Variants in DMD observed in about 807,000 individuals in gnomAD.
The protein encoded by DMD is mutant dystrophin.
A neutral mutation model predicts 330.1 loss-of-function variants in DMD; 63 were observed. The ratio of observed to expected loss-of-function variants is 0.19; its 90% CI spans 0.16 to 0.24. The LOEUF (loss-of-function observed/expected upper bound fraction) is 0.24, where lower values mean the gene tolerates loss of function less well. Among genes scored for constraint, DMD ranks in the 10% least tolerant of loss-of-function variants. The pLI, the probability that DMD is intolerant of heterozygous loss-of-function variation, is 1.00. For missense variants in DMD, 3,344 were observed against 2,684.1 expected (o/e 1.25, Z -5.43); for synonymous variants, 1,223 against 959.8 (o/e 1.27, Z -5.07).
At chrX:31,872,089 C>T (rs1369013661) in intron 48 of DMD, among the ~76,000 whole-genome samples, 3 of 106,375 alleles carry the variant, frequency 2.8e-5, no homozygotes, top group East Asian at 3.0e-4. Context: ...TGTTTCCCCT[C>T]CCCCCACCTT....
chrX:33,002,059 T>C (rs1254419226), intron 2 of DMD, among the ~76,000 whole-genome samples: 1 of 111,381 alleles, frequency 9.0e-6, no homozygotes, highest in Admixed American at 9.7e-5. Context: ...ATATTGCCTA[T>C]TCATTCCCCT....
intron 2 of DMD, among the ~76,000 whole-genome samples, chrX:32,937,212 G>T (rs1055055315): frequency 9.0e-5 from 10 of 110,871 alleles, no homozygotes; most frequent in Admixed American, 1.9e-4. Context: ...CAATAGAAAT[G>T]CAAGAGAGAA....
intron 7 of DMD, among the ~76,000 whole-genome samples, chrX:32,792,889 C>T (rs1281173824): frequency 8.9e-6 from 1 of 112,067 alleles, no homozygotes; most frequent in Admixed American, 9.5e-5. Context: ...CCACTCTCAG[C>T]ATTAGATCAC....
At chrX:33,081,691 G>A (rs1188198703) in intron 1 of DMD, among the ~76,000 whole-genome samples, 1 of 112,056 alleles carries the variant, frequency 8.9e-6, no homozygotes, top group Non-Finnish European at 1.9e-5. Context: ...GGTGAGGAAT[G>A]TTTCCTTATC....
intron 44 of DMD, among the ~76,000 whole-genome samples, chrX:32,002,084 T>A (rs1008770403): frequency 1.8e-5 from 2 of 111,906 alleles, no homozygotes; most frequent in Admixed American, 1.9e-4. Flanking sequence ...ACCCAGCTTG[T>A]TAATCTTCAG....
chrX:33,247,966 A>C (rs771533318), intron 1 of DMD, among the ~76,000 whole-genome samples: 6 of 112,307 alleles, frequency 5.3e-5, no homozygotes, highest in Admixed American at 4.7e-4. Context: ...CTGTATAAAT[A>C]CAAGTGATTG....
chrX:31,124,856 A>G (rs982528438), intron 78 of DMD, among the ~76,000 whole-genome samples: 8 of 112,155 alleles, frequency 7.1e-5, no homozygotes, highest in African/African-American at 1.9e-4. Context: ...ACAATTCCCA[A>G]ATAAATTGTT....
intron 42 of DMD, among the ~76,000 whole-genome samples, chrX:32,291,085 A>C (rs1391136051): frequency 1.8e-5 from 2 of 111,925 alleles, no homozygotes; most frequent in Non-Finnish European, 3.8e-5. Flanking sequence ...GTAACATAGA[A>C]GCTTAGGGGA....
At chrX:32,572,984 G>A (rs1180637580) in intron 15 of DMD, among the ~76,000 whole-genome samples, 1 of 111,213 alleles carries the variant, frequency 9.0e-6, no homozygotes, top group Non-Finnish European at 1.9e-5. Context: ...TTCTCCTTCT[G>A]CCATGATTGT....
chrX:32,877,029 G>C (rs2083435916), intron 2 of DMD, among the ~76,000 whole-genome samples: 1 of 108,975 alleles, frequency 9.2e-6, no homozygotes, highest in African/African-American at 3.4e-5. Flanking sequence ...AACTAAGATA[G>C]ACACAAAGGG....
At chrX:31,569,959 G>T (rs1158889802) in intron 55 of DMD, among the ~76,000 whole-genome samples, 1 of 110,637 alleles carries the variant, frequency 9.0e-6, no homozygotes, top group African/African-American at 3.3e-5. Context: ...GTACGCATGA[G>T]AGATTTATCT....
At chrX:32,405,727 C>T (rs183290092) in intron 30 of DMD, among the ~76,000 whole-genome samples, 113 of 111,187 alleles carry the variant, frequency 1.0e-3, no homozygotes, top group African/African-American at 3.6e-3. Flanking sequence ...ATTGACTTGG[C>T]GATGCAGGCT....
Position 33,117,376 on chromosome X carries a change from T to G in DMD, c.31+93906A>C, listed in dbSNP as rs1258055217. 2.7e-5 allele frequency among the ~76,000 whole-genome samples: 3 copies of G among 111,160 alleles called. No homozygotes were observed. The East Asian group carries it at 8.5e-4, about 31-fold the overall frequency. Reference sequence around the variant, plus strand: ...TCTTAAGTGTTCTCATCATAAAAAATTATAATGGCAACTATGTGAGGTGAA... The same window carrying G: ...TCTTAAGTGTTCTCATCATAAAAAAGTATAATGGCAACTATGTGAGGTGAA... On this transcript the variant is annotated intron_variant, in intron 1 of 78. Transcript: ENST00000357033.
intron 13 of DMD, among the ~76,000 whole-genome samples, chrX:32,577,946 G>T (rs2053243667): frequency 8.9e-6 from 1 of 112,126 alleles, no homozygotes; most frequent in South Asian, 3.6e-4. Context: ...TACACGAAGT[G>T]CTTTAAATTT....
At chrX:31,147,544 G>T (rs1433017606) in intron 74 of DMD, 26 bp from the exon 75 acceptor site, 1 of 930,757 alleles carries the variant, frequency 1.1e-6, no homozygotes, top group Non-Finnish European at 1.4e-6. Flanking sequence ...AAGTAAAAAA[G>T]AAAAAAAAAG....
At chrX:32,769,054 C>CA (rs912614108) in intron 7 of DMD, among the ~76,000 whole-genome samples, 11 of 110,706 alleles carry the variant, frequency 9.9e-5, no homozygotes, top group Non-Finnish European at 1.9e-4. Flanking sequence ...TATGAAAAAA[C>CA]AAAAAAACAA....
intron 7 of DMD, among the ~76,000 whole-genome samples, chrX:32,745,784 G>T (rs532474787): frequency 8.9e-6 from 1 of 112,241 alleles, no homozygotes; most frequent in Non-Finnish European, 1.9e-5. Flanking sequence ...AAGTAATTCA[G>T]TTTCACTATG....
intron 23 of DMD, 85 bp downstream of exon 23, chrX:32,468,412 CT>C (rs1187139223): frequency 2.4e-6 from 2 of 844,994 alleles, no homozygotes; most frequent in Admixed American, 5.4e-5. Flanking sequence ...AGGTCAAATG[CT>C]TATGTACCTT....
chrX:32,540,122 G>T (rs771286685), intron 17 of DMD, among the ~76,000 whole-genome samples: 1 of 111,565 alleles, frequency 9.0e-6, no homozygotes, highest in Non-Finnish European at 1.9e-5. Context: ...ACTGCTACAT[G>T]ATTAGGAAGT....
Sources: gnomAD v4.1 joint callset for allele counts (sites outside exome capture counted in the v4.1 genomes callset) on GRCh38, gnomAD v4.1.1 for gene constraint, MANE v1.5 for transcripts, NCBI Gene and HGNC (gene_info 2026-07-23, HGNC 2026-07-21) for gene names.